The following L3MBTL4 variants were observed in gnomAD, a reference collection of about 807,000 sequenced individuals.
L3MBTL4 encodes lethal(3)malignant brain tumor-like protein 4.
In L3MBTL4, 70 loss-of-function variants were observed where a neutral mutation model predicts 84.5. The observed-to-expected ratio is 0.83, with a 90% confidence interval of 0.68 to 1.01. The LOEUF (loss-of-function observed/expected upper bound fraction) is 1.01. L3MBTL4 is among the 50% of genes least tolerant of loss of function. The pLI, the probability that L3MBTL4 is intolerant of heterozygous loss-of-function variation, is 0.00. For synonymous variants in L3MBTL4, 274 were observed against 259.8 expected, an observed-to-expected ratio of 1.05 and a Z score of -0.52; for missense variants, 715 against 754.8, an observed-to-expected ratio of 0.95 and a Z score of 0.62.
chr18:6,100,674 C>T (rs1301536215), intron 14 of L3MBTL4, among the ~76,000 whole-genome samples: 1 of 152,200 alleles, frequency 6.6e-6, no homozygotes, highest in Admixed American at 6.5e-5. Flanking sequence ...CTCGTAGTTG[C>T]CATGTGGAGG....
At chr18:6,050,019 C>G (rs988398620) in intron 16 of L3MBTL4, among the ~76,000 whole-genome samples, 1 of 152,054 alleles carries the variant, frequency 6.6e-6, no homozygotes, top group Admixed American at 6.6e-5. Flanking sequence ...AAAATTCTAT[C>G]GCAAAACATA....
Position 6,211,650 on chromosome 18 carries a change from C to CT in L3MBTL4, c.981+1498dup, listed in dbSNP as rs764185744. Among the ~76,000 whole-genome samples, 673 of 142,444 alleles carry CT rather than the reference C, an allele frequency of 4.7e-3. 5 individuals carry two copies. Among genetic ancestry groups the CT allele is most frequent in the African/African-American group, 7.8e-3 (306 of 39,114 alleles). 93.4% of individuals were successfully genotyped at this position (142,444 alleles called of 152,430 possible). A position where few individuals can be genotyped will look rare whatever the true frequency, so the allele number is the denominator to read the frequency against. ...CTGAGCTTATCTTAGAAATGAAATA[C>CT]TTTTTTTTTTTTTTTTGAGACAGAG... On this transcript the variant is annotated intron_variant, in intron 12 of 18. Coordinates refer to ENST00000317931, the MANE Select transcript of L3MBTL4 (RefSeq NM_001330559.2).
intron 16 of L3MBTL4, 109 bp from the exon 17 acceptor site, chr18:5,969,671 C>G: frequency 9.8e-7 from 1 of 1,025,338 alleles, no homozygotes; most frequent in Non-Finnish European, 1.4e-6. Flanking sequence ...AGTGCAGACA[C>G]CACCAGAACC....
intron 16 of L3MBTL4, 87 bp downstream of exon 16, chr18:6,080,794 G>T: frequency 1.0e-6 from 1 of 978,846 alleles, no homozygotes; most frequent in East Asian, 2.6e-5. Flanking sequence ...TTCCCTGTTG[G>T]AATGATAAAA....
intron 16 of L3MBTL4, among the ~76,000 whole-genome samples, chr18:5,992,212 G>A (rs2053732706): frequency 6.6e-6 from 1 of 152,208 alleles, no homozygotes; most frequent in Non-Finnish European, 1.5e-5. Flanking sequence ...ATGATGAGGA[G>A]CCCCGGGAGG....
intron 1 of L3MBTL4, among the ~76,000 whole-genome samples, chr18:6,351,628 T>C (rs959997621): frequency 6.6e-6 from 1 of 152,018 alleles, no homozygotes; most frequent in Non-Finnish European, 1.5e-5. Flanking sequence ...CTCGGCTCAC[T>C]GCAAGCTCCG....
chr18:6,116,209 G>A (rs921693178), intron 14 of L3MBTL4, among the ~76,000 whole-genome samples: 1 of 152,114 alleles, frequency 6.6e-6, no homozygotes, highest in Non-Finnish European at 1.5e-5. Context: ...CAACAAGGAG[G>A]CTTAAGGTGA....
rs2056130895 is a variant in L3MBTL4 at position 6,414,818 on chromosome 18, C to A, written c.-108G>T. The A allele has an allele frequency of 6.6e-6, 1 of 151,138 alleles. No homozygotes were observed. Among genetic ancestry groups the A allele is most frequent in the Admixed American group, 6.6e-5 (1 of 15,172 alleles). 9.4% of individuals were successfully genotyped at this position (151,138 alleles called of 1,614,324 possible). On this transcript the variant is annotated 5_prime_UTR_variant, in exon 1 of 19. In the 5' UTR this introduces an upstream ATG that the reference lacks. Transcript: ENST00000317931. The surrounding 1 kb of genome is among the most constrained non-coding windows in gnomAD (Gnocchi z 5.4). Reference sequence around the variant, plus strand: ...CTTCTTACCCCCAGCGGAGCGGCGCCTGCCCGCAACGCCGACCGAGCTACA... The same window carrying A: ...CTTCTTACCCCCAGCGGAGCGGCGCATGCCCGCAACGCCGACCGAGCTACA...
At chr18:6,409,653 T>C (rs2055883996) in intron 1 of L3MBTL4, among the ~76,000 whole-genome samples, 1 of 152,142 alleles carries the variant, frequency 6.6e-6, no homozygotes, top group Non-Finnish European at 1.5e-5. Flanking sequence ...GCCTAGGGCC[T>C]AAGCAGAATA....
At chr18:6,365,431 C>A (rs2053892858) in intron 1 of L3MBTL4, among the ~76,000 whole-genome samples, 1 of 152,188 alleles carries the variant, frequency 6.6e-6, no homozygotes, top group Non-Finnish European at 1.5e-5. Context: ...TGATAATGCT[C>A]TAACTTATTC....
chr18:6,080,791 T>C (rs768576040), intron 16 of L3MBTL4, 90 bp downstream of exon 16: 3 of 938,634 alleles, frequency 3.2e-6, no homozygotes, highest in Middle Eastern at 3.4e-4. Context: ...CCATTCCCTG[T>C]TGGAATGATA....
chr18:6,405,075 C>T (rs541138877), intron 1 of L3MBTL4, among the ~76,000 whole-genome samples: 1 of 152,242 alleles, frequency 6.6e-6, no homozygotes, highest in Admixed American at 6.5e-5. Context: ...TTTTTTAATG[C>T]TCATACACAA....
chr18:6,013,385 G>A (rs1288490340), intron 16 of L3MBTL4, among the ~76,000 whole-genome samples: 1 of 152,154 alleles, frequency 6.6e-6, no homozygotes, highest in African/African-American at 2.4e-5. Context: ...CACAGTCTTT[G>A]GCTGACTCAG....
At chr18:6,006,184 C>G (rs1021030017) in intron 16 of L3MBTL4, among the ~76,000 whole-genome samples, 2 of 152,154 alleles carry the variant, frequency 1.3e-5, no homozygotes, top group Non-Finnish European at 2.9e-5. Context: ...GAGGATATCT[C>G]TAGAGGGGAA....
intron 14 of L3MBTL4, among the ~76,000 whole-genome samples, chr18:6,098,029 C>T (rs1410221888): frequency 6.6e-6 from 1 of 152,154 alleles, no homozygotes; most frequent in Non-Finnish European, 1.5e-5. Flanking sequence ...GGCTCTGATT[C>T]CAAGAGTCTA....
intron 1 of L3MBTL4, among the ~76,000 whole-genome samples, chr18:6,320,503 G>T (rs1030587669): frequency 6.6e-6 from 1 of 151,826 alleles, no homozygotes; most frequent in East Asian, 1.9e-4. Context: ...ATCAAATCAG[G>T]AACCCAAACG....
chr18:6,296,950 G>T (rs168228), intron 4 of L3MBTL4, among the ~76,000 whole-genome samples: 1 of 152,170 alleles, frequency 6.6e-6, no homozygotes. Context: ...GCTACAGGAC[G>T]AGGGATTATA....
Position 6,271,778 on chromosome 18 carries a change from AG to A in L3MBTL4, c.128-7741del, listed in dbSNP as rs374386405. Among the ~76,000 whole-genome samples, 218 of 152,298 alleles carry A rather than the reference AG, an allele frequency of 1.4e-3. 4 individuals are homozygous for A. The South Asian group carries it at 0.024, about 17-fold the overall frequency. The stretch of plus-strand genomic sequence containing the variant: ...GGAGGCAGCGTTGGAAGGAGGCGAC[AG>A]AGACCTGGGGGCTCCTGGGAGAGGG... On this transcript the variant is annotated intron_variant, in intron 4 of 18. Transcript: ENST00000317931.
intron 12 of L3MBTL4, among the ~76,000 whole-genome samples, chr18:6,196,402 CCA>C (rs2045397141): frequency 6.6e-6 from 1 of 152,100 alleles, no homozygotes; most frequent in Non-Finnish European, 1.5e-5. Context: ...CATGATCTGC[CCA>C]CCCTGGCCTC....
Sources: gnomAD v4.1 joint callset for allele counts (sites outside exome capture counted in the v4.1 genomes callset) on GRCh38, gnomAD v4.1.1 for gene constraint, Gnocchi (gnomAD v3.1) non-coding constraint, MANE v1.5 for transcripts, NCBI Gene and HGNC (gene_info 2026-07-23, HGNC 2026-07-21) for gene names.